NPIPB8: variants seen among roughly 807,000 people sequenced by gnomAD.
NPIPB8 encodes nuclear pore complex-interacting protein family member B8.
In NPIPB8, 3 loss-of-function variants were observed where a neutral mutation model predicts 5.3. The observed-to-expected ratio is 0.57, with a 90% CI of 0.26 to 1.47. The LOEUF (loss-of-function observed/expected upper bound fraction) is 1.47, where lower values mean the gene tolerates loss of function less well. NPIPB8 is among the 40% of genes most tolerant of loss of function. The pLI, the probability that NPIPB8 is intolerant of heterozygous loss-of-function variation, is 0.13. For missense variants in NPIPB8, 50 were observed against 50.2 expected (o/e 1.00, Z 0.01); for synonymous variants, 18 against 23.0 (o/e 0.78, Z 0.62).
chr16:28,637,912 T>A, upstream of NPIPB8: 2 of 436,974 alleles, frequency 4.6e-6, no homozygotes, highest in South Asian at 7.0e-5. Flanking sequence ...AGGGTTATAA[T>A]TAGTAATATA....
At position 28,638,295 on chromosome 16, in the gene NPIPB8, C is replaced by A. The variant is rs2047826967; in HGVS notation, c.-38-28C>A. The A allele has an allele frequency of 1.8e-5, 28 of 1,544,244 alleles. 1 individual carries two copies. The South Asian group carries it at 2.9e-4, about 16-fold the overall frequency. On this transcript the variant is annotated intron_variant, in intron 1 of 7. Transcript: ENST00000683297. ...TCACCTTGTTTTTCCACTCATTCAACAAACTTTTTTTCTTAATTGTCTAAT... is the reference window on the plus strand; with the variant it reads ...TCACCTTGTTTTTCCACTCATTCAAAAAACTTTTTTTCTTAATTGTCTAAT...
intron 2 of NPIPB8, among the ~76,000 whole-genome samples, chr16:28,642,727 C>T (rs892550715): frequency 3.3e-5 from 5 of 151,578 alleles, no homozygotes; most frequent in Admixed American, 2.6e-4. Flanking sequence ...TGTGATCCGC[C>T]CACCTCGGCC....
intron 2 of NPIPB8, among the ~76,000 whole-genome samples, chr16:28,640,333 T>TCCTGTGC (rs1350443406): frequency 6.6e-6 from 1 of 152,070 alleles, no homozygotes; most frequent in Non-Finnish European, 1.5e-5. Context: ...TCCATGGCTC[T>TCCTGTGC]CCTGTGCCCT....
At chr16:28,644,642 A>G in intron 2 of NPIPB8, 1 of 1,471,706 alleles carries the variant, frequency 6.8e-7, no homozygotes, top group African/African-American at 1.7e-5. Context: ...TTTATCAGCC[A>G]TCAGCCCACC....
intron 2 of NPIPB8, among the ~76,000 whole-genome samples, chr16:28,646,229 G>T (rs1355580129): frequency 2.3e-4 from 12 of 51,586 alleles, no homozygotes; most frequent in African/African-American, 9.9e-4. Flanking sequence ...TTTTTTTTTT[G>T]AGACAGAGTC....
At chr16:28,642,125 G>A (rs2047908922) in intron 2 of NPIPB8, among the ~76,000 whole-genome samples, 1 of 149,180 alleles carries the variant, frequency 6.7e-6, no homozygotes, top group Non-Finnish European at 1.5e-5. Context: ...TTTTGAGACA[G>A]AGTCTCATTC....
At chr16:28,640,501 T>A (rs1252792072) in intron 2 of NPIPB8, among the ~76,000 whole-genome samples, 1 of 152,086 alleles carries the variant, frequency 6.6e-6, no homozygotes, top group African/African-American at 2.4e-5. Flanking sequence ...TCACATCTCC[T>A]GGGTCAAAGC....
intron 2 of NPIPB8, among the ~76,000 whole-genome samples, chr16:28,640,476 A>G (rs1191045413): frequency 6.6e-6 from 1 of 151,894 alleles, no homozygotes; most frequent in Non-Finnish European, 1.5e-5. Context: ...TCGAGGTGAC[A>G]CGCTTCACTT....
chr16:28,646,178 A>C (rs1392712879), intron 2 of NPIPB8, among the ~76,000 whole-genome samples: 2 of 20,420 alleles, frequency 9.8e-5, no homozygotes, highest in East Asian at 4.0e-3. Context: ...TATTCATGCC[A>C]TTTTCATGAT....
At chr16:28,640,645 C>G (rs1329996532) in intron 2 of NPIPB8, among the ~76,000 whole-genome samples, 2 of 152,092 alleles carry the variant, frequency 1.3e-5, no homozygotes, top group Non-Finnish European at 2.9e-5. Context: ...GAGTGGGGAA[C>G]TGATGGGAAA....
chr16:28,652,608 C>CTT (rs1244712450), intron 5 of NPIPB8, among the ~76,000 whole-genome samples: 5 of 74,428 alleles, frequency 6.7e-5, no homozygotes, highest in Middle Eastern at 5.1e-3. Context: ...TCCTTTCTCT[C>CTT]TTTTTTTTTT....
Position 28,644,230 on chromosome 16 carries a change from G to A in NPIPB8, c.121-3905G>A, listed in dbSNP as rs1311320253. 1.6e-4 allele frequency among the ~76,000 whole-genome samples: 15 copies of A among 90,920 alleles called. 1 individual carries two copies. Among genetic ancestry groups the A allele is most frequent in the Admixed American group, 1.4e-3 (13 of 9,044 alleles). 59.6% of individuals were successfully genotyped at this position (90,920 alleles called of 152,430 possible). A position where few individuals can be genotyped will look rare whatever the true frequency, so the allele number is the denominator to read the frequency against. On this transcript the variant is annotated intron_variant, in intron 2 of 7. Coordinates refer to ENST00000683297, the MANE Select transcript of NPIPB8 (RefSeq NM_001310136.2). ...CCCTCTCATTGCTCCTAAGCCTCAC[G>A]CTCCCTTGTCCCGCGTGTCCTGTTG...
At chr16:28,639,393 A>G (rs1170151386) in intron 2 of NPIPB8, among the ~76,000 whole-genome samples, 14 of 139,396 alleles carry the variant, frequency 1.0e-4, no homozygotes, top group African/African-American at 3.7e-4. Context: ...TGAGATTTAT[A>G]TAGATACACA....
At chr16:28,639,700 ACC>A (rs1483572281) in intron 2 of NPIPB8, among the ~76,000 whole-genome samples, 5 of 146,116 alleles carry the variant, frequency 3.4e-5, no homozygotes, top group East Asian at 2.0e-4. Context: ...TGATCTGCCC[ACC>A]GTGGCCTCCC....
At chr16:28,651,604 TTG>T (rs533825986) in intron 3 of NPIPB8, among the ~76,000 whole-genome samples, 10,817 of 39,138 alleles carry the variant, frequency 0.28, 2,247 homozygotes, top group Admixed American at 0.32. Context: ...CATGTCATTC[TTG>T]TGTGTGTGTG....
At position 28,644,571 on chromosome 16, in the gene NPIPB8, G is replaced by T. The variant is rs752780097; in HGVS notation, c.121-3564G>T. 20 of 1,485,916 alleles carry T rather than the reference G, an allele frequency of 1.3e-5. No individual in the cohort carries two copies. In the Admixed American group the frequency reaches 1.4e-4, roughly 10 times the overall value. The allele number at this position is 1,485,916 out of a possible 1,614,324, so 92.0% of individuals were successfully genotyped here. ...ACCTCTGTCCTGGACACCTCAGGGC[G>T]CCCTGAAAGGACCAGGACATGCGGC... On this transcript the variant is annotated intron_variant, in intron 2 of 7. Transcript: ENST00000683297.
chr16:28,644,634 T>C, intron 2 of NPIPB8: 2 of 1,495,518 alleles, frequency 1.3e-6, no homozygotes, highest in South Asian at 1.2e-5. Flanking sequence ...TGCTGGGATT[T>C]ATCAGCCATC....
chr16:28,651,261 G>A (rs2048037181), intron 3 of NPIPB8, among the ~76,000 whole-genome samples: 1 of 43,088 alleles, frequency 2.3e-5, no homozygotes, highest in Non-Finnish European at 4.0e-5. Flanking sequence ...GGGATTATAG[G>A]CGTGAGCTAC....
At position 28,645,126 on chromosome 16, in the gene NPIPB8, C is replaced by T. The variant is rs2047978174; in HGVS notation, c.121-3009C>T. On this transcript the variant is annotated intron_variant, in intron 2 of 7. Coordinates refer to ENST00000683297, the MANE Select transcript of NPIPB8 (RefSeq NM_001310136.2). Reference sequence around the variant, plus strand: ...TGGCAAGATCTCGGCTCACTGCAACCTCCGCTTCCGGGGTTCAAGCAATTG... The same window carrying T: ...TGGCAAGATCTCGGCTCACTGCAACTTCCGCTTCCGGGGTTCAAGCAATTG... Among the ~76,000 whole-genome samples the T allele has an allele frequency of 2.3e-5, 3 of 133,022 alleles. 1 individual carries two copies. The highest frequency in any genetic ancestry group is 8.3e-5 in the African/African-American group (3 of 36,222). 87.3% of individuals were successfully genotyped at this position (133,022 alleles called of 152,430 possible). A position where few individuals can be genotyped will look rare whatever the true frequency, so the allele number is the denominator to read the frequency against.
Sources: gnomAD v4.1 joint callset for allele counts (sites outside exome capture counted in the v4.1 genomes callset) on GRCh38, gnomAD v4.1.1 for gene constraint, MANE v1.5 for transcripts, NCBI Gene and HGNC (gene_info 2026-07-23, HGNC 2026-07-21) for gene names.